Variants in SUGCT observed in about 807,000 individuals in gnomAD.
The protein encoded by SUGCT is succinyl-CoA:glutarate-CoA transferase.
In SUGCT, 41 loss-of-function variants were observed where a neutral mutation model predicts 55.0. The observed-to-expected ratio is 0.74, with a 90% CI of 0.58 to 0.97. The LOEUF is 0.97. Ranked by LOEUF, SUGCT falls within the 50% of genes least tolerant of loss-of-function variation. The pLI is 0.00. For synonymous variants in SUGCT, 187 were observed against 200.4 expected (o/e 0.93, Z 0.56); for missense variants, 568 against 547.8 (o/e 1.04, Z -0.37).
At chr7:40,383,619 G>C (rs939451977) in intron 9 of SUGCT, among the ~76,000 whole-genome samples, 1 of 152,202 alleles carries the variant, frequency 6.6e-6, no homozygotes, top group African/African-American at 2.4e-5. Context: ...AGAGTAACAT[G>C]ATAGATGTCA....
At chr7:40,330,798 A>T (rs1796269763) in intron 9 of SUGCT, among the ~76,000 whole-genome samples, 1 of 152,184 alleles carries the variant, frequency 6.6e-6, no homozygotes, top group South Asian at 2.1e-4. Context: ...TAGCTTACAT[A>T]TAATTTTCTT....
At chr7:40,582,357 C>T (rs1797147548) in intron 12 of SUGCT, among the ~76,000 whole-genome samples, 1 of 152,072 alleles carries the variant, frequency 6.6e-6, no homozygotes, top group African/African-American at 2.4e-5. Flanking sequence ...TTTAGTGTCT[C>T]TCAACAATGA....
intron 6 of SUGCT, among the ~76,000 whole-genome samples, chr7:40,230,811 A>G (rs982656386): frequency 1.3e-5 from 2 of 152,152 alleles, no homozygotes; most frequent in African/African-American, 2.4e-5. Flanking sequence ...ACATCTTTTT[A>G]TTTAAGGACC....
chr7:40,957,882 A>T, the SUGCT span, among the ~76,000 whole-genome samples: 9 of 152,202 alleles, frequency 5.9e-5, no homozygotes, highest in South Asian at 1.9e-3. Context: ...CCTCAGCATT[A>T]ACTTGTCTGT....
chr7:40,655,559 C>A (rs1009910304), intron 12 of SUGCT, among the ~76,000 whole-genome samples: 1 of 152,150 alleles, frequency 6.6e-6, no homozygotes, highest in Non-Finnish European at 1.5e-5. Flanking sequence ...GTTATGGAGG[C>A]GTCAGTTACA....
At chr7:40,601,705 C>A (rs1798298431) in intron 12 of SUGCT, among the ~76,000 whole-genome samples, 1 of 151,954 alleles carries the variant, frequency 6.6e-6, no homozygotes, top group Non-Finnish European at 1.5e-5. Flanking sequence ...TGTGGCCCAA[C>A]ACAAATTTGT....
At chr7:40,750,661 G>C (rs989154869) in intron 13 of SUGCT, among the ~76,000 whole-genome samples, 11 of 152,074 alleles carry the variant, frequency 7.2e-5, no homozygotes, top group Non-Finnish European at 2.9e-5. Flanking sequence ...AGTAAGAAGA[G>C]GGAAGTATGA....
At position 40,496,352 on chromosome 7, in the gene SUGCT, T is replaced by C. The variant is rs1791975529; in HGVS notation, c.1055T>C (p.Ile352Thr). The C allele has an allele frequency of 6.2e-7, 1 of 1,612,980 alleles. No homozygotes were observed. Among genetic ancestry groups the C allele is most frequent in the Admixed American group, 1.7e-5 (1 of 59,948 alleles). The change falls in exon 12 of 14, where the codon ATC becomes ACC. Residue 352 changes from isoleucine to threonine, a missense_variant. Coordinates refer to ENST00000335693, the MANE Select transcript of SUGCT (RefSeq NM_001193313.2). ...FEGSGVPYGP[I>T]NNMKNVFAEP... The stretch of plus-strand genomic sequence containing the variant: ...GGCAGTGGAGTCCCGTATGGCCCAA[T>C]CAACAACATGAAGAATGTATTTGCA...
chr7:40,955,768 G>A, the SUGCT span, among the ~76,000 whole-genome samples: 1 of 152,146 alleles, frequency 6.6e-6, no homozygotes, highest in Non-Finnish European at 1.5e-5. Flanking sequence ...CTGTGGGTTT[G>A]TCATAAATAG....
At chr7:40,990,471 C>A in the SUGCT span, among the ~76,000 whole-genome samples, 2 of 152,148 alleles carry the variant, frequency 1.3e-5, no homozygotes, top group Non-Finnish European at 2.9e-5. Context: ...GGCAGAGTAT[C>A]TTTAGCATAA....
chr7:40,451,944 G>C (rs924808809), intron 10 of SUGCT, among the ~76,000 whole-genome samples: 2 of 152,174 alleles, frequency 1.3e-5, no homozygotes, highest in Admixed American at 1.3e-4. Context: ...CCTCAAAACT[G>C]TTCTTTCGTC....
Position 40,146,100 on chromosome 7 carries a change from C to CT in SUGCT, c.100+10993dup, listed in dbSNP as rs58024497. On this transcript the variant is annotated intron_variant, in intron 1 of 13. Transcript: ENST00000335693. ...TTGAGTCAGTAAGTTACCTTTTTTG[C>CT]TTTTTTTTTTTTTGACTTAGTATAG... 1.3e-3 allele frequency among the ~76,000 whole-genome samples: 187 copies of CT among 141,578 alleles called. 1 individual carries two copies. The highest frequency in any genetic ancestry group is 3.5e-3 in the East Asian group (17 of 4,902). 92.9% of individuals were successfully genotyped at this position (141,578 alleles called of 152,430 possible).
chr7:40,234,987 T>C (rs970228049), intron 6 of SUGCT, among the ~76,000 whole-genome samples: 27 of 152,136 alleles, frequency 1.8e-4, no homozygotes, highest in African/African-American at 6.3e-4. Flanking sequence ...AATTGAAAGA[T>C]AGGCATAGTG....
At chr7:40,772,553 T>G (rs1789198600) in intron 13 of SUGCT, among the ~76,000 whole-genome samples, 4 of 143,528 alleles carry the variant, frequency 2.8e-5, no homozygotes, top group African/African-American at 7.7e-5. Context: ...TATCTATCTA[T>G]CTATCTATCT....
chr7:40,847,407 C>CTTTTTTTTTTTTTT (rs1338885686), intron 13 of SUGCT, among the ~76,000 whole-genome samples: 4 of 117,858 alleles, frequency 3.4e-5, no homozygotes, highest in African/African-American at 8.7e-5. Flanking sequence ...TCTTTTCTTT[C>CTTTTTTTTTTTTTT]TTTCTTTTTT....
intron 12 of SUGCT, among the ~76,000 whole-genome samples, chr7:40,652,150 A>G (rs151012204): frequency 2.0e-5 from 3 of 152,044 alleles, no homozygotes; most frequent in Non-Finnish European, 4.4e-5. Flanking sequence ...CATTTTCTCC[A>G]TGTTGGTTTT....
chr7:40,279,037 G>C (rs553077937), intron 8 of SUGCT, among the ~76,000 whole-genome samples: 1 of 146,938 alleles, frequency 6.8e-6, no homozygotes, highest in South Asian at 2.1e-4. Flanking sequence ...GGGTCTGACT[G>C]TGTTGTCCAG....
intron 12 of SUGCT, among the ~76,000 whole-genome samples, chr7:40,748,252 G>A (rs1282210125): frequency 6.6e-6 from 1 of 151,976 alleles, no homozygotes; most frequent in African/African-American, 2.4e-5. Context: ...TTTAAAGATT[G>A]GGTTTAGAAT....
chr7:41,000,063 A>T, the SUGCT span, among the ~76,000 whole-genome samples: 1 of 152,034 alleles, frequency 6.6e-6, no homozygotes, highest in African/African-American at 2.4e-5. Flanking sequence ...GGAGTGTTTT[A>T]TTTTGTTTTG....
Sources: gnomAD v4.1 joint callset for allele counts (sites outside exome capture counted in the v4.1 genomes callset) on GRCh38, gnomAD v4.1.1 for gene constraint, MANE v1.5 for transcripts, NCBI Gene and HGNC (gene_info 2026-07-23, HGNC 2026-07-21) for gene names.